SEMA5A: variants seen among roughly 807,000 people sequenced by gnomAD.
SEMA5A encodes semaphorin-5A.
Under a neutral mutation model 135.5 loss-of-function variants are expected in SEMA5A, and 55 were observed. The observed-to-expected ratio is 0.41, with a 90% confidence interval of 0.33 to 0.51. The LOEUF is 0.51. Ranked by LOEUF, SEMA5A falls within the 20% of genes least tolerant of loss-of-function variation. The pLI, the probability that SEMA5A is intolerant of heterozygous loss-of-function variation, is 0.37. For synonymous variants in SEMA5A, 580 were observed against 546.5 expected (o/e 1.06, Z -0.85); for missense variants, 1,290 against 1,419.9 (o/e 0.91, Z 1.47).
At chr5:9,231,722 CTCTTAT>C (rs1747643348) in intron 6 of SEMA5A, among the ~76,000 whole-genome samples, 1 of 152,138 alleles carries the variant, frequency 6.6e-6, no homozygotes. Context: ...TTAAAGGTTT[CTCTTAT>C]AAATCAGCAT....
chr5:9,234,059 T>A (rs1006609702), intron 6 of SEMA5A, among the ~76,000 whole-genome samples: 1 of 152,214 alleles, frequency 6.6e-6, no homozygotes, highest in African/African-American at 2.4e-5. Context: ...CAAGCAAAAC[T>A]ACAAAACAGC....
At chr5:9,339,489 C>T (rs1371224339) in intron 3 of SEMA5A, among the ~76,000 whole-genome samples, 3 of 152,126 alleles carry the variant, frequency 2.0e-5, no homozygotes, top group African/African-American at 7.2e-5. Context: ...GCATTGCTCC[C>T]TGCAGTGCAT....
Position 9,042,973 on chromosome 5 carries a change from T to G in SEMA5A, c.3149A>C (p.Tyr1050Ser), listed in dbSNP as rs554101067. 6.2e-7 allele frequency: 1 copy of G among 1,612,798 alleles called. No homozygotes were observed. Among genetic ancestry groups the G allele is most frequent in the South Asian group, 1.1e-5 (1 of 91,030 alleles). Residue 1050 changes from tyrosine to serine, a missense_variant, in exon 23 of 23, where the codon TAC (tyrosine) becomes TCC (serine). This residue lies in a region of SEMA5A where 1,029 missense variants were observed against 1,086.6 expected (regional missense o/e 0.95). Coordinates refer to ENST00000382496, the MANE Select transcript of SEMA5A (RefSeq NM_003966.3). ...CTTCCCAGTGAGATGTGGGTTGAAG[T>G]ATTTGTTTCTTTCCTCTAGGATCAA... is the stretch of plus-strand genomic sequence containing the variant. ...NNLILEERNK[Y>S]FNPHLTGKTY...
chr5:9,361,171 C>T (rs1754677172), intron 3 of SEMA5A, among the ~76,000 whole-genome samples: 1 of 151,822 alleles, frequency 6.6e-6, no homozygotes, highest in African/African-American at 2.4e-5. Context: ...AGTTGGTGGG[C>T]GCCTGTAATC....
rs1373780546 is a variant in SEMA5A at position 9,038,010 on chromosome 5, A to G, written c.*4887T>C. The G allele has an allele frequency of 6.6e-6, 1 of 152,188 alleles. No individual in the cohort carries two copies. The highest frequency in any genetic ancestry group is 2.4e-5 in the African/African-American group (1 of 41,442). 9.4% of individuals were successfully genotyped at this position (152,188 alleles called of 1,614,324 possible). A position where few individuals can be genotyped will look rare whatever the true frequency, so the allele number is the denominator to read the frequency against. On this transcript the variant is annotated 3_prime_UTR_variant, in exon 23 of 23. Transcript: ENST00000382496. ...CAAAGAAGTAAGGGGCTCAAATGGC[A>G]TCTAGGGTCTGATAAGATAAGCGTA...
At chr5:9,398,093 G>T (rs1455868503) in intron 2 of SEMA5A, among the ~76,000 whole-genome samples, 1 of 152,138 alleles carries the variant, frequency 6.6e-6, no homozygotes, top group Non-Finnish European at 1.5e-5. Context: ...ATCCAACATG[G>T]CCAAGTATTT....
At chr5:9,084,211 G>A (rs534335640) in intron 16 of SEMA5A, among the ~76,000 whole-genome samples, 2 of 152,302 alleles carry the variant, frequency 1.3e-5, no homozygotes, top group South Asian at 4.1e-4. Flanking sequence ...CTCAAGATGT[G>A]TGCCTCCTGT....
chr5:9,407,760 T>G (rs1242137070), intron 2 of SEMA5A, among the ~76,000 whole-genome samples: 1 of 152,148 alleles, frequency 6.6e-6, no homozygotes, highest in Non-Finnish European at 1.5e-5. Flanking sequence ...AGCCATTCCT[T>G]ATCAGTTGAT....
In SEMA5A at chr5:9,538,994, T is replaced by G. The variant is rs532681736; in HGVS notation, c.-175+6590A>C. Among the ~76,000 whole-genome samples, 78 of 152,370 alleles carry G rather than the reference T, an allele frequency of 5.1e-4. 1 individual carries two copies. In the South Asian group the frequency reaches 0.016, roughly 31 times the overall value. ...GTTACATGCCATAAAATGTACTCTTTGTAAGTGTACAATTTAATGATTTTT... is the reference window on the plus strand; with the variant it reads ...GTTACATGCCATAAAATGTACTCTTGGTAAGTGTACAATTTAATGATTTTT... On this transcript the variant is annotated intron_variant, in intron 1 of 22. Coordinates refer to ENST00000382496, the MANE Select transcript of SEMA5A (RefSeq NM_003966.3).
intron 5 of SEMA5A, among the ~76,000 whole-genome samples, chr5:9,305,887 T>G (rs564331833): frequency 1.3e-5 from 2 of 152,228 alleles, no homozygotes; most frequent in East Asian, 3.9e-4. Flanking sequence ...ATTGCACTAC[T>G]GTCTTCTTCC....
At chr5:9,166,051 AT>A (rs1193156393) in intron 11 of SEMA5A, among the ~76,000 whole-genome samples, 1 of 152,138 alleles carries the variant, frequency 6.6e-6, no homozygotes, top group Non-Finnish European at 1.5e-5. Flanking sequence ...CTAATGGCTT[AT>A]TTTTTCCCTG....
At chr5:9,202,558 C>T (rs1402816435) in intron 8 of SEMA5A, among the ~76,000 whole-genome samples, 1 of 152,110 alleles carries the variant, frequency 6.6e-6, no homozygotes, top group Non-Finnish European at 1.5e-5. Context: ...CATTTTAGAG[C>T]AATATGTATT....
intron 11 of SEMA5A, among the ~76,000 whole-genome samples, chr5:9,155,501 G>T (rs180897253): frequency 6.6e-6 from 1 of 151,060 alleles, no homozygotes; most frequent in African/African-American, 2.5e-5. Flanking sequence ...GCTGCACCCC[G>T]CAACTCCTTG....
At position 9,431,871 on chromosome 5, in the gene SEMA5A, G is replaced by A. The variant is rs116646531; in HGVS notation, c.-78+5885C>T. Among the ~76,000 whole-genome samples, 788 of 152,156 alleles carry A rather than the reference G, an allele frequency of 5.2e-3. 7 individuals are homozygous for A. The highest frequency in any genetic ancestry group is 0.018 in the African/African-American group (754 of 41,480). On this transcript the variant is annotated intron_variant, in intron 2 of 22. Transcript: ENST00000382496. The stretch of plus-strand genomic sequence containing the variant: ...ATCCCTCCCAGCCTCACTCAATCAC[G>A]AAACTAAGAAAAGAAAATGAATTCT...
chr5:9,360,704 A>G (rs181079596), intron 3 of SEMA5A, among the ~76,000 whole-genome samples: 133 of 152,356 alleles, frequency 8.7e-4, no homozygotes, highest in Admixed American at 2.4e-3. Context: ...TTACATACAC[A>G]TTCCTGAATC....
intron 5 of SEMA5A, among the ~76,000 whole-genome samples, chr5:9,247,881 T>A (rs960272850): frequency 3.6e-4 from 55 of 152,166 alleles, no homozygotes; most frequent in Admixed American, 2.0e-4. Flanking sequence ...AAACACATTA[T>A]TTACTATATT....
chr5:9,118,606 T>G (rs1441244146), intron 15 of SEMA5A, among the ~76,000 whole-genome samples: 1 of 152,122 alleles, frequency 6.6e-6, no homozygotes, highest in Non-Finnish European at 1.5e-5. Context: ...CAGTAGTGTC[T>G]GCATCCGGGA....
At chr5:9,397,028 T>C (rs1756435001) in intron 2 of SEMA5A, among the ~76,000 whole-genome samples, 2 of 148,448 alleles carry the variant, frequency 1.3e-5, no homozygotes, top group African/African-American at 5.0e-5. Context: ...GAAATAGTTC[T>C]ATACAAATGG....
rs772119249 is a variant in SEMA5A at position 9,228,040 on chromosome 5, C to T, written c.334-1073G>A. Among the ~76,000 whole-genome samples, 42 of 152,266 alleles carry T rather than the reference C, an allele frequency of 2.8e-4. 1 individual carries two copies. Among genetic ancestry groups the T allele is most frequent in the Admixed American group, 5.2e-4 (8 of 15,306 alleles). ...AGTGATGGACATGTGAGCTGGAGAG[C>T]TCCTCACTTATTCAGCAAGCATTCA... is the stretch of plus-strand genomic sequence containing the variant. On this transcript the variant is annotated intron_variant, in intron 6 of 22. Coordinates refer to ENST00000382496, the MANE Select transcript of SEMA5A (RefSeq NM_003966.3).
Sources: gnomAD v4.1 joint callset for allele counts (sites outside exome capture counted in the v4.1 genomes callset) on GRCh38, gnomAD v4.1.1 for gene constraint, gnomAD v4.1.1 regional missense constraint, MANE v1.5 for transcripts, NCBI Gene and HGNC (gene_info 2026-07-23, HGNC 2026-07-21) for gene names.